The following CEP112 variants were observed in gnomAD, a reference collection of about 807,000 sequenced individuals.
CEP112 encodes the protein centrosomal protein 112.
In CEP112, 127 loss-of-function variants were observed where a neutral mutation model predicts 153.0. The observed-to-expected ratio is 0.83, with a 90% CI of 0.72 to 0.96. CEP112 has a LOEUF of 0.96. CEP112 is among the 40% of genes least tolerant of loss of function. The pLI, the probability that CEP112 is intolerant of heterozygous loss-of-function variation, is 0.00. For missense variants in CEP112, 1,089 were observed against 1,101.2 expected (o/e 0.99, Z 0.16); for synonymous variants, 358 against 374.4 (o/e 0.96, Z 0.51).
rs1567810675 is a variant in CEP112 at position 65,650,742 on chromosome 17, A to AT, written c.2698-9678_2698-9677insA. Among the ~76,000 whole-genome samples the AT allele has an allele frequency of 2.4e-3, 361 of 150,580 alleles. 11 individuals are homozygous for AT. In the South Asian group the frequency reaches 0.045, roughly 19 times the overall value. The stretch of plus-strand genomic sequence containing the variant: ...GAAAACTCTCTACTAAAAAAAAAAA[A>AT]AAAAAAAAAAAAAAATTAGCTGGGC... On this transcript the variant is annotated intron_variant, in intron 24 of 26. Transcript: ENST00000535342.
At chr17:65,975,239 GTAAA>G (rs1360207962) in intron 17 of CEP112, among the ~76,000 whole-genome samples, 1 of 152,078 alleles carries the variant, frequency 6.6e-6, no homozygotes, top group African/African-American at 2.4e-5. Context: ...GAGCAAATAA[GTAAA>G]TATATAATGG....
rs565538892 is a variant in CEP112, at chr17:66,191,854, C to T, written c.-9+143G>A. ...ACCCCAGGGGCGCGCGCCCCCCAGG[C>T]CCGGAGAACGGGCCCAGGGCCTGAG... On this transcript the variant is annotated intron_variant, in intron 1 of 26. Transcript: ENST00000535342. This position sits in a 1 kb window ranked among gnomAD's most constrained non-coding sequence, Gnocchi z 4.2. 1.1e-4 allele frequency: 16 copies of T among 152,272 alleles called. No homozygotes were observed. The highest frequency in any genetic ancestry group is 3.9e-4 in the African/African-American group (16 of 41,444). The allele number at this position is 152,272 out of a possible 1,614,324, so 9.4% of individuals were successfully genotyped here. A position where few individuals can be genotyped will look rare whatever the true frequency, so the allele number is the denominator to read the frequency against.
chr17:66,107,896 A>G (rs1018579117), intron 6 of CEP112, among the ~76,000 whole-genome samples: 1 of 152,204 alleles, frequency 6.6e-6, no homozygotes, highest in Non-Finnish European at 1.5e-5. Flanking sequence ...ACTTCAAACT[A>G]TAGTACAAAG....
At chr17:65,694,096 G>A (rs562354144) in intron 23 of CEP112, among the ~76,000 whole-genome samples, 5 of 152,270 alleles carry the variant, frequency 3.3e-5, no homozygotes, top group South Asian at 2.1e-4. Context: ...AGCAGATCAC[G>A]TTGCTCAGTG....
At chr17:65,806,679 C>G (rs1037978699) in intron 21 of CEP112, among the ~76,000 whole-genome samples, 5 of 152,218 alleles carry the variant, frequency 3.3e-5, no homozygotes, top group Non-Finnish European at 5.9e-5. Flanking sequence ...CCCCTTCTCT[C>G]TCTCCTGTTC....
At chr17:65,706,924 A>T (rs2048945702) in intron 23 of CEP112, among the ~76,000 whole-genome samples, 2 of 152,148 alleles carry the variant, frequency 1.3e-5, no homozygotes, top group Non-Finnish European at 2.9e-5. Flanking sequence ...CACCCACATG[A>T]TCTATCACAT....
At chr17:66,120,996 T>C (rs1415484225) in intron 6 of CEP112, among the ~76,000 whole-genome samples, 1 of 152,146 alleles carries the variant, frequency 6.6e-6, no homozygotes, top group Non-Finnish European at 1.5e-5. Flanking sequence ...TTCTCTTTGT[T>C]GGCCGGGTGC....
At chr17:66,088,270 G>A (rs147095202) in intron 8 of CEP112, among the ~76,000 whole-genome samples, 306 of 151,452 alleles carry the variant, frequency 2.0e-3, no homozygotes, top group African/African-American at 6.9e-3. Flanking sequence ...CACAATGCAA[G>A]ATCCCACAGC....
At chr17:65,649,547 T>A (rs1278628747) in intron 24 of CEP112, among the ~76,000 whole-genome samples, 1 of 151,380 alleles carries the variant, frequency 6.6e-6, no homozygotes, top group Non-Finnish European at 1.5e-5. Flanking sequence ...TGAGACCTCA[T>A]TTCTACTAAA....
At chr17:66,117,200 T>C (rs1426684234) in intron 6 of CEP112, among the ~76,000 whole-genome samples, 5 of 152,020 alleles carry the variant, frequency 3.3e-5, no homozygotes, top group Non-Finnish European at 7.4e-5. Context: ...AGGCTCAAAA[T>C]TTTTTTCAGT....
intron 18 of CEP112, among the ~76,000 whole-genome samples, chr17:65,961,064 C>T (rs1251808932): frequency 6.6e-6 from 1 of 150,930 alleles, no homozygotes; most frequent in Admixed American, 6.6e-5. Context: ...CTTTGTTCTT[C>T]ACAACTGCCA....
chr17:65,695,196 C>A (rs765796156), intron 23 of CEP112, among the ~76,000 whole-genome samples: 4 of 152,158 alleles, frequency 2.6e-5, no homozygotes, highest in Admixed American at 2.6e-4. Flanking sequence ...GAACAATGAG[C>A]GCACACCGCA....
chr17:65,778,755 T>G (rs570356338), intron 21 of CEP112, among the ~76,000 whole-genome samples: 3 of 152,206 alleles, frequency 2.0e-5, no homozygotes, highest in Non-Finnish European at 4.4e-5. Flanking sequence ...TATGATTTAC[T>G]ATACTTTTTA....
At chr17:65,689,027 C>T in intron 24 of CEP112, 102 bp downstream of exon 24, 1 of 805,826 alleles carries the variant, frequency 1.2e-6, no homozygotes, top group Non-Finnish European at 2.1e-6. Context: ...CTCGGCCTCC[C>T]AAAGTGCTGA....
intron 23 of CEP112, among the ~76,000 whole-genome samples, chr17:65,740,570 G>A (rs576234432): frequency 6.6e-6 from 1 of 152,296 alleles, no homozygotes; most frequent in African/African-American, 2.4e-5. Flanking sequence ...ATCTGAGGAA[G>A]CATTATTATA....
chr17:66,095,243 T>A (rs1380392363), intron 8 of CEP112, among the ~76,000 whole-genome samples: 3 of 151,958 alleles, frequency 2.0e-5, no homozygotes, highest in Non-Finnish European at 4.4e-5. Flanking sequence ...CAATATAAAG[T>A]GTCCATCAAC....
At chr17:65,784,694 T>C (rs2145663640) in intron 21 of CEP112, among the ~76,000 whole-genome samples, 1 of 152,330 alleles carries the variant, frequency 6.6e-6, no homozygotes, top group Non-Finnish European at 1.5e-5. Flanking sequence ...TTGACCAGGC[T>C]GGTCTTGAAC....
intron 17 of CEP112, among the ~76,000 whole-genome samples, chr17:66,001,229 A>G (rs557143844): frequency 1.1e-3 from 175 of 152,284 alleles, no homozygotes; most frequent in African/African-American, 3.9e-3. Flanking sequence ...GCTTTTTTTC[A>G]TATGATGGTT....
chr17:65,821,551 T>A (rs1383153590), intron 21 of CEP112, among the ~76,000 whole-genome samples: 5 of 99,408 alleles, frequency 5.0e-5, no homozygotes, highest in African/African-American at 1.1e-4. Flanking sequence ...TTTTTTTTTT[T>A]TTTTTTTTTT....
Sources: gnomAD v4.1 joint callset for allele counts (sites outside exome capture counted in the v4.1 genomes callset) on GRCh38, gnomAD v4.1.1 for gene constraint, Gnocchi (gnomAD v3.1) non-coding constraint, MANE v1.5 for transcripts, NCBI Gene and HGNC (gene_info 2026-07-23, HGNC 2026-07-21) for gene names.